CNTN5: variants seen among roughly 807,000 people sequenced by gnomAD.
The protein encoded by CNTN5 is contactin-5.
CNTN5 carries 77 observed loss-of-function variants against 129.1 expected under a neutral mutation model. That is an observed-to-expected ratio of 0.60 (90% CI 0.50 to 0.72). The LOEUF (loss-of-function observed/expected upper bound fraction) is 0.72. CNTN5 is among the 30% of genes least tolerant of loss of function. The pLI is 0.00. For synonymous variants in CNTN5, 509 were observed against 465.6 expected, an observed-to-expected ratio of 1.09 and a Z score of -1.20; for missense variants, 1,478 against 1,328.8, an observed-to-expected ratio of 1.11 and a Z score of -1.75.
At chr11:99,784,664 G>A (rs1019422020) in intron 3 of CNTN5, among the ~76,000 whole-genome samples, 6 of 152,022 alleles carry the variant, frequency 3.9e-5, no homozygotes, top group Non-Finnish European at 7.4e-5. Context: ...CTTCCGCAAC[G>A]GTTGAACTGA....
At chr11:99,201,356 T>TTCCTTCCA (rs1390221384) in intron 1 of CNTN5, among the ~76,000 whole-genome samples, 1 of 144,980 alleles carries the variant, frequency 6.9e-6, no homozygotes. Flanking sequence ...TTTCCTTTCC[T>TTCCTTCCA]TCCTTCCTTC....
chr11:99,869,441 TTTTG>T (rs1948443996), intron 6 of CNTN5, among the ~76,000 whole-genome samples: 1 of 152,120 alleles, frequency 6.6e-6, no homozygotes, highest in Admixed American at 6.5e-5. Flanking sequence ...AGACCCTAAC[TTTTG>T]TTTATTTTTA....
intron 1 of CNTN5, among the ~76,000 whole-genome samples, chr11:99,239,618 C>A (rs557594199): frequency 6.6e-6 from 1 of 152,222 alleles, no homozygotes; most frequent in East Asian, 1.9e-4. Flanking sequence ...CTTATGAAAA[C>A]CAGGATGGAA....
At chr11:99,993,551 A>G (rs1381122029) in intron 8 of CNTN5, among the ~76,000 whole-genome samples, 1 of 152,152 alleles carries the variant, frequency 6.6e-6, no homozygotes, top group Non-Finnish European at 1.5e-5. Flanking sequence ...CATAAGGATT[A>G]TGCAGCCTAG....
chr11:99,258,622 A>G (rs192393440), intron 1 of CNTN5, among the ~76,000 whole-genome samples: 1 of 152,088 alleles, frequency 6.6e-6, no homozygotes, highest in Non-Finnish European at 1.5e-5. Flanking sequence ...ATTCAGCTTC[A>G]GAGATTTTAA....
At chr11:99,143,628 C>T (rs1859640798) in intron 1 of CNTN5, among the ~76,000 whole-genome samples, 1 of 152,008 alleles carries the variant, frequency 6.6e-6, no homozygotes, top group Non-Finnish European at 1.5e-5. Context: ...GCAAGCTGTA[C>T]ATGGCTATAT....
chr11:99,980,462 G>A (rs1938261668), intron 8 of CNTN5, among the ~76,000 whole-genome samples: 1 of 152,154 alleles, frequency 6.6e-6, no homozygotes, highest in Non-Finnish European at 1.5e-5. Flanking sequence ...CGGTGTATTA[G>A]CAATGAATAC....
At chr11:99,487,690 C>T (rs1338155665) in intron 2 of CNTN5, among the ~76,000 whole-genome samples, 14 of 152,186 alleles carry the variant, frequency 9.2e-5, no homozygotes, top group Non-Finnish European at 8.8e-5. Context: ...TAAACAAAAC[C>T]TAAAAACATG....
At chr11:99,828,278 G>T (rs1329374255) in intron 4 of CNTN5, among the ~76,000 whole-genome samples, 2 of 152,096 alleles carry the variant, frequency 1.3e-5, no homozygotes, top group Non-Finnish European at 2.9e-5. Flanking sequence ...ATAGCATTCT[G>T]TCTTAGTCCA....
At chr11:99,198,233 T>C (rs1393677975) in intron 1 of CNTN5, among the ~76,000 whole-genome samples, 1 of 152,118 alleles carries the variant, frequency 6.6e-6, no homozygotes, top group Admixed American at 6.5e-5. Context: ...GTGTTTGATA[T>C]AGGATTGCAA....
At chr11:100,257,108 TG>T (rs1950088028) in intron 17 of CNTN5, among the ~76,000 whole-genome samples, 1 of 151,948 alleles carries the variant, frequency 6.6e-6, no homozygotes, top group Admixed American at 6.6e-5. Context: ...AGGGGAGGGG[TG>T]TCCACCATTA....
At chr11:100,063,706 T>TAA (rs35896237) in intron 10 of CNTN5, among the ~76,000 whole-genome samples, 5 of 115,258 alleles carry the variant, frequency 4.3e-5, no homozygotes, top group Non-Finnish European at 7.0e-5. Flanking sequence ...AACCTGTCTC[T>TAA]AAAAAAAAAA....
intron 3 of CNTN5, among the ~76,000 whole-genome samples, chr11:99,631,401 C>A (rs1951343268): frequency 6.6e-6 from 1 of 151,872 alleles, no homozygotes; most frequent in Non-Finnish European, 1.5e-5. Context: ...GGGTACTTAA[C>A]AAACTGCTTG....
intron 2 of CNTN5, among the ~76,000 whole-genome samples, chr11:99,434,055 TA>T (rs1943505154): frequency 6.6e-6 from 1 of 152,144 alleles, no homozygotes; most frequent in Non-Finnish European, 1.5e-5. Flanking sequence ...CTCAGTGCCA[TA>T]CCTACAATGA....
At chr11:99,631,361 A>C (rs1392049807) in intron 3 of CNTN5, among the ~76,000 whole-genome samples, 1 of 152,132 alleles carries the variant, frequency 6.6e-6, no homozygotes, top group East Asian at 1.9e-4. Flanking sequence ...GTATAGTAAT[A>C]GCATTAGTAA....
At chr11:99,715,315 C>T (rs1382665877) in intron 3 of CNTN5, among the ~76,000 whole-genome samples, 4 of 151,626 alleles carry the variant, frequency 2.6e-5, no homozygotes, top group African/African-American at 9.7e-5. Flanking sequence ...CAGCAGAACT[C>T]CTCTAAATCT....
At chr11:99,976,817 G>A (rs1015724903) in intron 8 of CNTN5, among the ~76,000 whole-genome samples, 4 of 152,212 alleles carry the variant, frequency 2.6e-5, no homozygotes, top group Non-Finnish European at 2.9e-5. Context: ...TTTCCACATT[G>A]TCTTGGCTAT....
chr11:99,164,582 T>C (rs924887856), intron 1 of CNTN5, among the ~76,000 whole-genome samples: 1 of 152,204 alleles, frequency 6.6e-6, no homozygotes, highest in Non-Finnish European at 1.5e-5. Context: ...TTACTCTTAA[T>C]GTGCTTAAAT....
intron 6 of CNTN5, among the ~76,000 whole-genome samples, chr11:99,883,619 T>A (rs1948826674): frequency 1.3e-5 from 2 of 152,122 alleles, no homozygotes. Flanking sequence ...AACAAAACAG[T>A]GAAAACAAAA....
Sources: gnomAD v4.1 joint callset for allele counts (sites outside exome capture counted in the v4.1 genomes callset) on GRCh38, gnomAD v4.1.1 for gene constraint, MANE v1.5 for transcripts, NCBI Gene and HGNC (gene_info 2026-07-23, HGNC 2026-07-21) for gene names.